RBFOX1: variants seen among roughly 807,000 people sequenced by gnomAD.
The protein encoded by RBFOX1 is RNA binding protein fox-1 homolog 1.
Under a neutral mutation model 57.7 loss-of-function variants are expected in RBFOX1, and 8 were observed. The ratio of observed to expected loss-of-function variants is 0.14; its 90% CI spans 0.08 to 0.25. The LOEUF (loss-of-function observed/expected upper bound fraction) is 0.25. RBFOX1 is among the 10% of genes least tolerant of loss of function. The pLI is 1.00. For missense variants in RBFOX1, 611 were observed against 548.5 expected (o/e 1.11, Z -1.14); for synonymous variants, 326 against 222.4 (o/e 1.47, Z -4.15).
chr16:7,681,331 A>G (rs1378527421), intron 14 of RBFOX1, among the ~76,000 whole-genome samples: 1 of 152,150 alleles, frequency 6.6e-6, no homozygotes, highest in Non-Finnish European at 1.5e-5. Context: ...CTGCCCTCTA[A>G]TATTTCATCA....
intron 4 of RBFOX1, among the ~76,000 whole-genome samples, chr16:7,115,846 T>C (rs1360085523): frequency 6.6e-6 from 1 of 152,258 alleles, no homozygotes; most frequent in Non-Finnish European, 1.5e-5. Context: ...ACAGGCTTTA[T>C]ACCACATTTA....
At chr16:5,730,417 G>C (rs965295201) in intron 3 of RBFOX1, among the ~76,000 whole-genome samples, 4 of 152,184 alleles carry the variant, frequency 2.6e-5, no homozygotes, top group African/African-American at 9.6e-5. Flanking sequence ...AGAGGGCATG[G>C]AACTGGTTGT....
intron 2 of RBFOX1, among the ~76,000 whole-genome samples, chr16:6,317,361 C>T (rs112968119): frequency 6.6e-5 from 10 of 151,670 alleles, no homozygotes; most frequent in Non-Finnish European, 1.2e-4. Context: ...TTTTTCTCCC[C>T]CTAAGGTTTT....
At chr16:6,708,167 C>G (rs1256140487) in intron 3 of RBFOX1, among the ~76,000 whole-genome samples, 2 of 152,120 alleles carry the variant, frequency 1.3e-5, no homozygotes, top group East Asian at 1.9e-4. Context: ...GGGGTTATGA[C>G]TTTTCCCCTT....
intron 3 of RBFOX1, among the ~76,000 whole-genome samples, chr16:5,695,253 A>G (rs1338748568): frequency 6.6e-6 from 1 of 152,138 alleles, no homozygotes; most frequent in African/African-American, 2.4e-5. Context: ...TCAAAAGTGG[A>G]GTGGATAATT....
chr16:6,211,562 G>A (rs962313350), intron 1 of RBFOX1, among the ~76,000 whole-genome samples: 6 of 152,106 alleles, frequency 3.9e-5, no homozygotes, highest in Non-Finnish European at 7.4e-5. Flanking sequence ...ACATGTGTTA[G>A]AATGGTTTTA....
At chr16:5,294,553 A>G (rs1310018424) in intron 1 of RBFOX1, among the ~76,000 whole-genome samples, 1 of 152,158 alleles carries the variant, frequency 6.6e-6, no homozygotes, top group Non-Finnish European at 1.5e-5. Flanking sequence ...GTAGCTCCCC[A>G]TCTCCAACTC....
chr16:7,128,933 G>A (rs982740266), intron 4 of RBFOX1, among the ~76,000 whole-genome samples: 2 of 149,070 alleles, frequency 1.3e-5, no homozygotes, highest in Admixed American at 1.4e-4. Context: ...CCATTCTCCT[G>A]CCTCAACCTC....
intron 3 of RBFOX1, among the ~76,000 whole-genome samples, chr16:6,978,325 C>T (rs1376075870): frequency 6.6e-6 from 1 of 152,154 alleles, no homozygotes; most frequent in Non-Finnish European, 1.5e-5. Flanking sequence ...ATTCTTTTAT[C>T]CCGGTGCTCT....
At chr16:7,598,139 T>A (rs934644247) in intron 9 of RBFOX1, among the ~76,000 whole-genome samples, 2 of 152,198 alleles carry the variant, frequency 1.3e-5, no homozygotes, top group Non-Finnish European at 2.9e-5. Context: ...TCTTAAGATA[T>A]ATGGGGAAGA....
intron 4 of RBFOX1, among the ~76,000 whole-genome samples, chr16:7,199,459 C>T (rs2087706941): frequency 6.6e-6 from 1 of 152,138 alleles, no homozygotes; most frequent in Non-Finnish European, 1.5e-5. Flanking sequence ...CTGAGTGTTT[C>T]AGGCAGCGTA....
chr16:6,012,619 A>G (rs2094968147), intron 4 of RBFOX1, among the ~76,000 whole-genome samples: 1 of 152,236 alleles, frequency 6.6e-6, no homozygotes, highest in Non-Finnish European at 1.5e-5. Context: ...ATCTTCAACA[A>G]GCTAATGCAA....
intron 2 of RBFOX1, among the ~76,000 whole-genome samples, chr16:6,434,323 C>T (rs1168337564): frequency 6.6e-6 from 1 of 152,122 alleles, no homozygotes; most frequent in South Asian, 2.1e-4. Context: ...CCTTATTCCT[C>T]CTACATCTCC....
At chr16:5,583,180 G>A (rs922939615) in intron 2 of RBFOX1, among the ~76,000 whole-genome samples, 4 of 152,146 alleles carry the variant, frequency 2.6e-5, no homozygotes, top group Admixed American at 2.6e-4. Flanking sequence ...GCCATGCGCA[G>A]CAAAAGCCAA....
At chr16:7,168,776 C>G (rs763821620) in intron 4 of RBFOX1, among the ~76,000 whole-genome samples, 2 of 152,136 alleles carry the variant, frequency 1.3e-5, no homozygotes, top group Admixed American at 1.3e-4. Context: ...TGTACACCAT[C>G]CAAATACAAC....
chr16:6,803,957 A>G (rs1226558579), intron 3 of RBFOX1, among the ~76,000 whole-genome samples: 1 of 152,046 alleles, frequency 6.6e-6, no homozygotes, highest in Non-Finnish European at 1.5e-5. Flanking sequence ...GTTTCCTAAT[A>G]TTTGCACGTT....
intron 2 of RBFOX1, among the ~76,000 whole-genome samples, chr16:6,400,116 C>T (rs1000210701): frequency 6.6e-6 from 1 of 152,166 alleles, no homozygotes; most frequent in Admixed American, 6.5e-5. Flanking sequence ...TGACCTATGA[C>T]ATTTATAGAA....
chr16:6,307,156 C>A (rs1599442679), intron 1 of RBFOX1, among the ~76,000 whole-genome samples: 1 of 152,250 alleles, frequency 6.6e-6, no homozygotes, highest in South Asian at 2.1e-4. Context: ...TTCGTAAACG[C>A]CCCCCTAGGT....
At chr16:5,949,686 T>C (rs1316130453) in intron 4 of RBFOX1, among the ~76,000 whole-genome samples, 2 of 152,174 alleles carry the variant, frequency 1.3e-5, no homozygotes, top group Non-Finnish European at 2.9e-5. Flanking sequence ...GGTCAAGCCA[T>C]TTGTTTTGTA....
Sources: gnomAD v4.1 joint callset for allele counts (sites outside exome capture counted in the v4.1 genomes callset) on GRCh38, gnomAD v4.1.1 for gene constraint, MANE v1.5 for transcripts, NCBI Gene and HGNC (gene_info 2026-07-23, HGNC 2026-07-21) for gene names.